FMN1: variants seen among roughly 807,000 people sequenced by gnomAD.
FMN1 encodes the protein formin 1, also known as formin-1.
In FMN1, 110 loss-of-function variants were observed where a neutral mutation model predicts 132.4. That is an observed-to-expected ratio of 0.83 (90% CI 0.71 to 0.97). The LOEUF is 0.97. FMN1 is among the 50% of genes least tolerant of loss of function. The pLI is 0.00. For missense variants in FMN1, 1,792 were observed against 1,705.3 expected, an observed-to-expected ratio of 1.05 and a Z score of -0.90; for synonymous variants, 722 against 651.7, an observed-to-expected ratio of 1.11 and a Z score of -1.64.
At position 33,066,812 on chromosome 15, in the gene FMN1, G is replaced by A. The variant is rs758826233; in HGVS notation, c.2044-1738C>T. The A allele has an allele frequency of 2.3e-5, 37 of 1,613,794 alleles. No homozygotes were observed. Among genetic ancestry groups the A allele is most frequent in the Non-Finnish European group, 2.8e-5 (33 of 1,179,886 alleles). On this transcript the variant is annotated intron_variant, in intron 5 of 20. Transcript: ENST00000616417. ...GGGCGACTCAGGGTCTGCTCCCTTC[G>A]GTTCAGTTTTGGGCATGTCAATGTT... is the stretch of plus-strand genomic sequence containing the variant.
intron 17 of FMN1, among the ~76,000 whole-genome samples, chr15:32,831,458 G>C (rs1414801017): frequency 3.3e-5 from 5 of 152,068 alleles, no homozygotes; most frequent in African/African-American, 1.2e-4. Context: ...AGTTTTGAAG[G>C]GTATTTGCTG....
intron 17 of FMN1, among the ~76,000 whole-genome samples, chr15:32,825,113 A>G (rs1057141527): frequency 6.6e-6 from 1 of 152,118 alleles, no homozygotes. Flanking sequence ...ATACTTTTCC[A>G]TCTCAATTTC....
chr15:33,030,516 T>C (rs2035886912), intron 6 of FMN1, among the ~76,000 whole-genome samples: 1 of 152,248 alleles, frequency 6.6e-6, no homozygotes, highest in Non-Finnish European at 1.5e-5. Flanking sequence ...ATATGCCTTA[T>C]TGGTTTAATG....
intron 16 of FMN1, among the ~76,000 whole-genome samples, chr15:32,872,378 G>T (rs2059536921): frequency 6.6e-6 from 1 of 152,204 alleles, no homozygotes; most frequent in African/African-American, 2.4e-5. Flanking sequence ...ATGGTTAAAA[G>T]TCAGCAAAGG....
intron 6 of FMN1, among the ~76,000 whole-genome samples, chr15:33,032,019 A>C (rs1200885541): frequency 6.6e-6 from 1 of 152,244 alleles, no homozygotes; most frequent in African/African-American, 2.4e-5. Context: ...TTAACAACAA[A>C]AATAATAATT....
chr15:33,115,403 A>G (rs964803405), intron 4 of FMN1, among the ~76,000 whole-genome samples: 2 of 152,100 alleles, frequency 1.3e-5, no homozygotes, highest in African/African-American at 4.8e-5. Context: ...ACGGACTGGT[A>G]TGTGGGTTGC....
chr15:32,897,060 C>T (rs1002223452), intron 15 of FMN1, among the ~76,000 whole-genome samples: 1 of 152,138 alleles, frequency 6.6e-6, no homozygotes, highest in Non-Finnish European at 1.5e-5. Context: ...TTTTCTACAT[C>T]CTTGTCAACA....
intron 6 of FMN1, among the ~76,000 whole-genome samples, chr15:33,038,763 G>C (rs972969873): frequency 3.9e-5 from 6 of 152,164 alleles, no homozygotes; most frequent in African/African-American, 1.4e-4. Flanking sequence ...CATTTGGAAT[G>C]GGTGAGACTT....
intron 9 of FMN1, among the ~76,000 whole-genome samples, chr15:32,951,543 C>G (rs2061654284): frequency 6.6e-6 from 1 of 152,124 alleles, no homozygotes. Context: ...GATGAGGCTT[C>G]TGGTTAAAAT....
At chr15:33,038,940 C>T (rs1379767293) in intron 6 of FMN1, among the ~76,000 whole-genome samples, 1 of 152,138 alleles carries the variant, frequency 6.6e-6, no homozygotes, top group Non-Finnish European at 1.5e-5. Context: ...TAGCACCCTC[C>T]TATATACAAA....
chr15:33,073,467 A>G (rs1278239258), intron 5 of FMN1, among the ~76,000 whole-genome samples: 1 of 152,208 alleles, frequency 6.6e-6, no homozygotes, highest in Admixed American at 6.5e-5. Flanking sequence ...ACTGGGAAAA[A>G]TAAGTAAGTT....
At chr15:32,853,513 T>C (rs1284679685) in intron 17 of FMN1, among the ~76,000 whole-genome samples, 2 of 152,238 alleles carry the variant, frequency 1.3e-5, no homozygotes, top group Non-Finnish European at 2.9e-5. Context: ...TGATTATCTA[T>C]GGTGAATAGT....
chr15:32,970,728 T>C (rs1419144249), intron 7 of FMN1: 4 of 152,110 alleles, frequency 2.6e-5, no homozygotes, highest in African/African-American at 7.2e-5. Flanking sequence ...ATAACTTTTA[T>C]ACTATGATGT....
At chr15:32,917,997 A>T (rs1026042483) in intron 10 of FMN1, among the ~76,000 whole-genome samples, 7 of 152,294 alleles carry the variant, frequency 4.6e-5, no homozygotes, top group African/African-American at 1.7e-4. Context: ...CTAATACGCT[A>T]TTGCAACATA....
intron 7 of FMN1, among the ~76,000 whole-genome samples, chr15:32,996,104 G>A (rs934110422): frequency 6.6e-6 from 1 of 152,166 alleles, no homozygotes; most frequent in Non-Finnish European, 1.5e-5. Flanking sequence ...TGATAGATAG[G>A]TCATCTACCA....
chr15:33,187,873 C>T (rs1965940881), intron 2 of FMN1, among the ~76,000 whole-genome samples: 1 of 152,128 alleles, frequency 6.6e-6, no homozygotes, highest in Admixed American at 6.5e-5. Flanking sequence ...ATATACCTGT[C>T]TTTGTAGATG....
At chr15:33,131,328 CAAA>C (rs10710700) in intron 4 of FMN1, among the ~76,000 whole-genome samples, 2,457 of 80,140 alleles carry the variant, frequency 0.031, 23 homozygotes, top group African/African-American at 0.038. Flanking sequence ...GACTCCATCT[CAAA>C]AAAAAAAAAA....
chr15:32,881,697 A>G (rs2059774309), intron 16 of FMN1, among the ~76,000 whole-genome samples: 1 of 152,144 alleles, frequency 6.6e-6, no homozygotes, highest in South Asian at 2.1e-4. Context: ...TTAAACTCTC[A>G]TGGAGGGAAA....
intron 11 of FMN1, among the ~76,000 whole-genome samples, chr15:32,908,936 T>C (rs2060493392): frequency 2.0e-5 from 3 of 152,350 alleles, no homozygotes; most frequent in South Asian, 4.2e-4. Context: ...GGGGGAATAT[T>C]GTTCTTAGAA....
Sources: allele counts gnomAD v4.1 joint callset (sites outside exome capture counted in the v4.1 genomes callset), GRCh38; gene constraint gnomAD v4.1.1; transcripts MANE v1.5; gene names NCBI Gene and HGNC (gene_info 2026-07-23, HGNC 2026-07-21).